Variants in PRMT8 observed in about 807,000 individuals in gnomAD.
PRMT8 encodes protein arginine methyltransferase 8, also known as protein arginine N-methyltransferase 8.
A neutral mutation model predicts 47.1 loss-of-function variants in PRMT8; 7 were observed. The observed-to-expected ratio is 0.15, with a 90% CI of 0.08 to 0.28. The LOEUF (loss-of-function observed/expected upper bound fraction) is 0.28. Ranked by LOEUF, PRMT8 falls within the 10% of genes least tolerant of loss-of-function variation. The pLI is 1.00. For synonymous variants in PRMT8, 188 were observed against 186.5 expected, an observed-to-expected ratio of 1.01 and a Z score of -0.07; for missense variants, 237 against 505.4, an observed-to-expected ratio of 0.47 and a Z score of 5.09.
chr12:3,397,054 T>G (rs1295751102), intron 1 of PRMT8, among the ~76,000 whole-genome samples: 1 of 151,828 alleles, frequency 6.6e-6, no homozygotes, highest in Non-Finnish European at 1.5e-5. Context: ...GCCTTGGTTT[T>G]CAGCTCCATC....
rs568007653 is a variant in PRMT8 at position 3,508,468 on chromosome 12, G to A, written c.75+16768G>A. On this transcript the variant is annotated intron_variant, in intron 1 of 9. Coordinates refer to ENST00000382622, the MANE Select transcript of PRMT8 (RefSeq NM_019854.5). The surrounding 1 kb of genome is among the most constrained non-coding windows in gnomAD (Gnocchi z 4.9). ...GTCTGACATCTGAACGCGGGAGAGT[G>A]TGTTTCCTGTGAGAAACATGTTAAG... Among the ~76,000 whole-genome samples, 8 of 152,332 alleles carry A rather than the reference G, an allele frequency of 5.3e-5. No individual in the cohort carries two copies. In the East Asian group the frequency reaches 1.5e-3, roughly 29 times the overall value.
intron 1 of PRMT8, among the ~76,000 whole-genome samples, chr12:3,397,546 C>T (rs1202932154): frequency 2.6e-5 from 4 of 151,408 alleles, no homozygotes; most frequent in African/African-American, 4.9e-5. Flanking sequence ...CAGGGACCCA[C>T]TTGAGGAGGC....
chr12:3,464,285 A>G (rs1833412463), intron 1 of PRMT8, among the ~76,000 whole-genome samples: 1 of 151,840 alleles, frequency 6.6e-6, no homozygotes, highest in South Asian at 2.1e-4. Flanking sequence ...AAAAAAAACA[A>G]ACTGCACACA....
intron 7 of PRMT8, among the ~76,000 whole-genome samples, chr12:3,581,025 C>G (rs569741312): frequency 7.9e-5 from 12 of 152,240 alleles, no homozygotes; most frequent in Admixed American, 2.6e-4. Flanking sequence ...AATGAAGGAC[C>G]CCTCCCCTTG....
chr12:3,401,223 A>C (rs2137051035), intron 1 of PRMT8, among the ~76,000 whole-genome samples: 1 of 152,058 alleles, frequency 6.6e-6, no homozygotes, highest in African/African-American at 2.4e-5. Flanking sequence ...AAAGACAAAA[A>C]CCACATGATT....
chr12:3,577,032 G>T lies in PRMT8; in HGVS notation c.828+46G>T, dbSNP rs765372868. 4.6e-6 allele frequency: 7 copies of T among 1,519,814 alleles called. No homozygotes were observed. In the South Asian group the frequency reaches 7.9e-5, roughly 17 times the overall value. The allele number at this position is 1,519,814 out of a possible 1,614,324, so 94.1% of individuals were successfully genotyped here. On this transcript the variant is annotated intron_variant, in intron 7 of 9. Transcript: ENST00000382622. ...TGGACCTGGGTGTGCTGGGAGCCCCGCTGTGCCACCCTGGAGTCCAGGCAA... is the reference window on the plus strand; with the variant it reads ...TGGACCTGGGTGTGCTGGGAGCCCCTCTGTGCCACCCTGGAGTCCAGGCAA...
exon 1 of PRMT8, chr12:3,381,359 C>T: frequency 6.5e-7 from 1 of 1,533,348 alleles, no homozygotes; most frequent in Non-Finnish European, 8.7e-7. Flanking sequence ...ATTTCTGCAC[C>T]AGGGAGGCTT....
At chr12:3,581,243 A>G (rs934218129) in intron 7 of PRMT8, among the ~76,000 whole-genome samples, 31 of 152,198 alleles carry the variant, frequency 2.0e-4, no homozygotes, top group African/African-American at 7.5e-4. Context: ...ATCACGACTT[A>G]TGAGGAATGA....
intron 1 of PRMT8, among the ~76,000 whole-genome samples, chr12:3,396,846 A>G (rs1469681544): frequency 1.3e-5 from 2 of 151,942 alleles, no homozygotes; most frequent in African/African-American, 4.8e-5. Context: ...ACTTTCAGGT[A>G]CACCAATCAG....
intron 2 of PRMT8, among the ~76,000 whole-genome samples, chr12:3,546,790 C>T (rs1387999933): frequency 1.3e-5 from 2 of 152,074 alleles, no homozygotes; most frequent in Non-Finnish European, 2.9e-5. Context: ...AATATATGAG[C>T]AGAGAACACT....
chr12:3,479,516 G>A (rs572117429), intron 1 of PRMT8, among the ~76,000 whole-genome samples: 19 of 152,268 alleles, frequency 1.2e-4, no homozygotes, highest in Non-Finnish European at 2.6e-4. Context: ...TCTTGGCACT[G>A]GAGAGGATGG....
chr12:3,485,262 T>C (rs569116230), intron 1 of PRMT8, among the ~76,000 whole-genome samples: 137 of 152,308 alleles, frequency 9.0e-4, no homozygotes, highest in African/African-American at 3.0e-3. Flanking sequence ...ACTCTTGCTA[T>C]AGAAACACAT....
Position 3,540,619 on chromosome 12 carries a change from C to CCA in PRMT8, c.90_91insAC (p.Ser31ThrfsTer36). 1 of 1,174,308 alleles carries CCA rather than the reference C, an allele frequency of 8.5e-7. No individual in the cohort carries two copies. Among genetic ancestry groups the CCA allele is most frequent in the Non-Finnish European group, 1.3e-6 (1 of 789,590 alleles). The allele number at this position is 1,174,308 out of a possible 1,614,324, so 72.7% of individuals were successfully genotyped here. A position where few individuals can be genotyped will look rare whatever the true frequency, so the allele number is the denominator to read the frequency against. ...TCTTCCCCTCAGGTGAACAGCCCCC[C>CCA]CTCCCAGCCCCCCCAGCCCGTCGTC... On this transcript the variant is annotated frameshift_variant, in exon 2 of 10. Coordinates refer to ENST00000382622, the MANE Select transcript of PRMT8 (RefSeq NM_019854.5). LOFTEE classifies it high-confidence loss of function.
chr12:3,429,613 A>G (rs2137067199), intron 1 of PRMT8, among the ~76,000 whole-genome samples: 1 of 152,358 alleles, frequency 6.6e-6, no homozygotes, highest in Middle Eastern at 3.4e-3. Flanking sequence ...TCAAGTCACA[A>G]ACAAAAACCA....
chr12:3,485,457 G>A (rs1865314339), intron 1 of PRMT8, among the ~76,000 whole-genome samples: 2 of 152,208 alleles, frequency 1.3e-5, no homozygotes, highest in African/African-American at 4.8e-5. Context: ...CACTTTGGGG[G>A]AAACTATCAT....
At position 3,409,214 on chromosome 12, in the gene PRMT8, C is replaced by A. The variant is rs1245946824; in HGVS notation, c.48+27772C>A. Among the ~76,000 whole-genome samples, 2 of 152,136 alleles carry A rather than the reference C, an allele frequency of 1.3e-5. No individual in the cohort carries two copies. The highest frequency in any genetic ancestry group is 2.9e-5 in the Non-Finnish European group (2 of 68,022). On this transcript the variant is annotated intron_variant, in intron 1 of 9. Transcript: ENST00000452611. This position sits in a 1 kb window ranked among gnomAD's most constrained non-coding sequence, Gnocchi z 4.4. ...CTGAGGCACACTGCAGCAGCTCAGG[C>A]CCTGCTGGATTTTTAACTATGACCC...
intron 1 of PRMT8, among the ~76,000 whole-genome samples, chr12:3,390,113 G>A (rs1213043453): frequency 1.3e-5 from 2 of 152,272 alleles, no homozygotes; most frequent in African/African-American, 4.8e-5. Context: ...GAGAATCCAG[G>A]ACGCAATTGC....
chr12:3,482,422 T>C (rs1487626715), intron 1 of PRMT8, among the ~76,000 whole-genome samples: 1 of 152,200 alleles, frequency 6.6e-6, no homozygotes, highest in African/African-American at 2.4e-5. Flanking sequence ...ATGCACTAAC[T>C]AAGTCCTGAT....
chr12:3,477,450 T>C (rs541642827), intron 1 of PRMT8, among the ~76,000 whole-genome samples: 16 of 152,230 alleles, frequency 1.1e-4, no homozygotes, highest in Non-Finnish European at 2.1e-4. Context: ...GCTTGAGTTT[T>C]CTTTGTCTTG....
Sources: allele counts gnomAD v4.1 joint callset (sites outside exome capture counted in the v4.1 genomes callset), GRCh38; gene constraint gnomAD v4.1.1; non-coding constraint Gnocchi (gnomAD v3.1); transcripts MANE v1.5; gene names NCBI Gene and HGNC (gene_info 2026-07-23, HGNC 2026-07-21).